CTNNA2: variants seen among roughly 807,000 people sequenced by gnomAD.
CTNNA2 encodes the protein catenin alpha-2.
CTNNA2 carries 42 observed loss-of-function variants against 101.0 expected under a neutral mutation model. That is an observed-to-expected ratio of 0.42 (90% CI 0.32 to 0.54). The LOEUF is 0.54. CTNNA2 is among the 20% of genes least tolerant of loss of function. CTNNA2 has a pLI of 0.14. For synonymous variants in CTNNA2, 450 were observed against 456.4 expected, an observed-to-expected ratio of 0.99 and a Z score of 0.18; for missense variants, 871 against 1,223.1, an observed-to-expected ratio of 0.71 and a Z score of 4.29.
intron 4 of CTNNA2, among the ~76,000 whole-genome samples, chr2:79,385,894 T>C (rs1010929140): frequency 1.3e-5 from 2 of 152,234 alleles, no homozygotes; most frequent in Non-Finnish European, 2.9e-5. Flanking sequence ...TAGTATTTCA[T>C]GGTGTATATG....
chr2:79,481,276 A>T (rs1247749702), intron 4 of CTNNA2, among the ~76,000 whole-genome samples: 1 of 152,098 alleles, frequency 6.6e-6, no homozygotes, highest in African/African-American at 2.4e-5. Flanking sequence ...TTCTAAAATT[A>T]TGTTCTCTCT....
intron 3 of CTNNA2, among the ~76,000 whole-genome samples, chr2:79,802,149 T>C (rs541284813): frequency 6.6e-6 from 1 of 152,224 alleles, no homozygotes; most frequent in South Asian, 2.1e-4. Flanking sequence ...CATAGATTGG[T>C]GCCACCAGCA....
At chr2:79,982,029 G>GTTTTGC (rs1691312078) in intron 7 of CTNNA2, among the ~76,000 whole-genome samples, 1 of 148,036 alleles carries the variant, frequency 6.8e-6, no homozygotes, top group African/African-American at 2.5e-5. Context: ...TCATGGTAGT[G>GTTTTGC]TTTTGTTTTT....
intron 6 of CTNNA2, among the ~76,000 whole-genome samples, chr2:79,882,989 T>C (rs1350928837): frequency 6.6e-6 from 1 of 152,210 alleles, no homozygotes; most frequent in Non-Finnish European, 1.5e-5. Flanking sequence ...ACCACCCTGC[T>C]CTTCCTCTCC....
chr2:80,641,821 T>G (rs1673525341), intron 18 of CTNNA2, among the ~76,000 whole-genome samples: 1 of 152,004 alleles, frequency 6.6e-6, no homozygotes, highest in African/African-American at 2.4e-5. Flanking sequence ...TTTAAAGGTC[T>G]TATTCTGAGA....
At chr2:80,523,726 G>A (rs1689780120) in intron 9 of CTNNA2, among the ~76,000 whole-genome samples, 2 of 152,156 alleles carry the variant, frequency 1.3e-5, no homozygotes, top group South Asian at 4.1e-4. Flanking sequence ...TTCATGCTAA[G>A]GTTAATACAG....
intron 7 of CTNNA2, among the ~76,000 whole-genome samples, chr2:80,186,900 G>T (rs1322566217): frequency 4.6e-5 from 7 of 152,194 alleles, no homozygotes; most frequent in African/African-American, 9.7e-5. Context: ...CCAGAAATCT[G>T]CAAAAGAAGG....
intron 3 of CTNNA2, among the ~76,000 whole-genome samples, chr2:79,790,334 T>C (rs1235142654): frequency 6.6e-6 from 1 of 152,078 alleles, no homozygotes; most frequent in Non-Finnish European, 1.5e-5. Flanking sequence ...GAGTTGACGA[T>C]GTCAAAGGAC....
intron 7 of CTNNA2, among the ~76,000 whole-genome samples, chr2:79,982,368 T>TATAAC (rs1558698061): frequency 1.1e-4 from 12 of 113,576 alleles, no homozygotes; most frequent in African/African-American, 4.6e-4. Flanking sequence ...CTATATAACA[T>TATAAC]ATATATAACA....
At chr2:79,378,519 G>A (rs1678003881) in intron 4 of CTNNA2, among the ~76,000 whole-genome samples, 1 of 152,110 alleles carries the variant, frequency 6.6e-6, no homozygotes. Context: ...CTGTGGTCTT[G>A]TTCATAGTAC....
In CTNNA2 at chr2:79,474,352, A is replaced by G. The variant is rs554159264; in HGVS notation, c.-134-30702A>G. Among the ~76,000 whole-genome samples, 250 of 152,300 alleles carry G rather than the reference A, an allele frequency of 1.6e-3. 3 individuals carry two copies. Among genetic ancestry groups the G allele is most frequent in the Non-Finnish European group, 2.6e-3 (175 of 68,018 alleles). ...ATGAACTATTGACAAAAACAACAAT[A>G]AGAATAAATCTCAAATACAACACAT... On this transcript the variant is annotated intron_variant, in intron 4 of 21. Transcript: ENST00000466387.
At chr2:80,584,002 C>G (rs1223481951) in intron 14 of CTNNA2, among the ~76,000 whole-genome samples, 1 of 152,146 alleles carries the variant, frequency 6.6e-6, no homozygotes, top group Admixed American at 6.5e-5. Context: ...GCATTACTTA[C>G]TGAGTCAGCC....
intron 7 of CTNNA2, among the ~76,000 whole-genome samples, chr2:80,123,436 T>C (rs1319476264): frequency 6.7e-6 from 1 of 150,170 alleles, no homozygotes; most frequent in Non-Finnish European, 1.5e-5. Context: ...ATTTGAATTG[T>C]TAGTGGTGCA....
chr2:80,523,770 T>C (rs1484698218), intron 9 of CTNNA2, among the ~76,000 whole-genome samples: 1 of 152,082 alleles, frequency 6.6e-6, no homozygotes, highest in African/African-American at 2.4e-5. Context: ...CTTTGAAAAG[T>C]TGATAATGGG....
intron 3 of CTNNA2, among the ~76,000 whole-genome samples, chr2:79,341,498 C>T (rs1013739648): frequency 5.9e-5 from 9 of 152,156 alleles, no homozygotes; most frequent in African/African-American, 1.9e-4. Flanking sequence ...GACTCCTTCA[C>T]TCAGTGTTAC....
chr2:79,902,378 T>G (rs1685121103), intron 6 of CTNNA2, among the ~76,000 whole-genome samples: 1 of 152,192 alleles, frequency 6.6e-6, no homozygotes, highest in South Asian at 2.1e-4. Context: ...ACTTGACATC[T>G]AGGTGTGTTT....
intron 3 of CTNNA2, among the ~76,000 whole-genome samples, chr2:79,370,761 G>C (rs1677852236): frequency 6.6e-6 from 1 of 152,076 alleles, no homozygotes; most frequent in South Asian, 2.1e-4. Context: ...CATACCTCCA[G>C]GTTATAGTCT....
At chr2:80,186,851 C>T (rs148078206) in intron 7 of CTNNA2, among the ~76,000 whole-genome samples, 1 of 152,234 alleles carries the variant, frequency 6.6e-6, no homozygotes, top group African/African-American at 2.4e-5. Context: ...AGTCTTTCAG[C>T]AAAACAAAAG....
At chr2:79,234,727 G>T (rs1172492634) in intron 2 of CTNNA2, among the ~76,000 whole-genome samples, 2 of 151,946 alleles carry the variant, frequency 1.3e-5, no homozygotes, top group Non-Finnish European at 2.9e-5. Context: ...TGTTCATTTT[G>T]TAAAATTCTT....
Sources: gnomAD v4.1 joint callset for allele counts (sites outside exome capture counted in the v4.1 genomes callset) on GRCh38, gnomAD v4.1.1 for gene constraint, MANE v1.5 for transcripts, NCBI Gene and HGNC (gene_info 2026-07-23, HGNC 2026-07-21) for gene names.